RBMS1: variants seen among roughly 807,000 people sequenced by gnomAD.
The protein encoded by RBMS1 is RNA-binding motif, single-stranded-interacting protein 1.
RBMS1 carries 17 observed loss-of-function variants against 62.3 expected under a neutral mutation model. The ratio of observed to expected loss-of-function variants is 0.27; its 90% CI spans 0.19 to 0.41. The LOEUF (loss-of-function observed/expected upper bound fraction) is 0.41, where lower values mean the gene tolerates loss of function less well. RBMS1 is among the 10% of genes least tolerant of loss of function. The pLI, the probability that RBMS1 is intolerant of heterozygous loss-of-function variation, is 1.00. For synonymous variants in RBMS1, 172 were observed against 170.0 expected, an observed-to-expected ratio of 1.01 and a Z score of -0.09; for missense variants, 334 against 504.5, an observed-to-expected ratio of 0.66 and a Z score of 3.24.
chr2:160,375,620 A>C (rs6761644), intron 1 of RBMS1, among the ~76,000 whole-genome samples: 14,994 of 152,232 alleles, frequency 0.098, 1,018 homozygotes, highest in East Asian at 0.26. Flanking sequence ...CTTCTATATA[A>C]AAGGACCCTG....
intron 12 of RBMS1, 151 bp downstream of exon 12, chr2:160,277,152 T>C: frequency 9.2e-6 from 6 of 651,852 alleles, no homozygotes; most frequent in Non-Finnish European, 1.6e-5. Context: ...TTCCAAAGTG[T>C]TGGACTTACA....
chr2:160,439,722 G>A (rs1317222516), intron 1 of RBMS1, among the ~76,000 whole-genome samples: 3 of 152,208 alleles, frequency 2.0e-5, no homozygotes, highest in Non-Finnish European at 4.4e-5. Flanking sequence ...GGTGGAGGTT[G>A]TAGCAAGCCG....
At chr2:160,466,735 T>TA (rs1684711591) in intron 1 of RBMS1, among the ~76,000 whole-genome samples, 1 of 152,092 alleles carries the variant, frequency 6.6e-6, no homozygotes, top group Admixed American at 6.6e-5. Flanking sequence ...TAAAAGGAGA[T>TA]AAAGAAAAAC....
chr2:160,344,275 G>A (rs1692054041), intron 2 of RBMS1, among the ~76,000 whole-genome samples: 3 of 152,112 alleles, frequency 2.0e-5, no homozygotes. Flanking sequence ...CAGCAACTGG[G>A]GGGAACAGCA....
chr2:160,432,753 A>G (rs1331848726), intron 1 of RBMS1, among the ~76,000 whole-genome samples: 2 of 152,172 alleles, frequency 1.3e-5, no homozygotes, highest in East Asian at 3.8e-4. Context: ...ACCTGGTGGC[A>G]ATGTGTCAGA....
At chr2:160,399,331 C>T (rs980845580) in intron 1 of RBMS1, among the ~76,000 whole-genome samples, 1 of 152,116 alleles carries the variant, frequency 6.6e-6, no homozygotes, top group Non-Finnish European at 1.5e-5. Context: ...ATTTTAAGGG[C>T]TTCCTGTATT....
At chr2:160,433,458 T>TTCATGGCTGATTTA in intron 1 of RBMS1, among the ~76,000 whole-genome samples, 1 of 152,244 alleles carries the variant, frequency 6.6e-6, no homozygotes, top group African/African-American at 2.4e-5. Context: ...AAAACAAGTT[T>TTCATGGCTGATTTA]GTTCACAGTT....
chr2:160,458,759 T>C (rs571879120), intron 1 of RBMS1, among the ~76,000 whole-genome samples: 5 of 150,820 alleles, frequency 3.3e-5, no homozygotes, highest in African/African-American at 9.8e-5. Context: ...ATCGTGCCAT[T>C]GCACTCCAGC....
chr2:160,368,735 T>G (rs10172449), intron 1 of RBMS1, among the ~76,000 whole-genome samples: 113,533 of 152,024 alleles, frequency 0.75, 43,179 homozygotes, highest in East Asian at 0.84. Flanking sequence ...CACCTCCCGG[T>G]TTCCAGTGAT....
chr2:160,410,139 G>A (rs987645675), intron 1 of RBMS1, among the ~76,000 whole-genome samples: 1 of 146,362 alleles, frequency 6.8e-6, no homozygotes, highest in African/African-American at 2.5e-5. Flanking sequence ...GGAGAATGGC[G>A]TGAACCCAGG....
intron 1 of RBMS1, among the ~76,000 whole-genome samples, chr2:160,450,563 T>TAAAAAAAAAAAA (rs71006605): frequency 1.5e-4 from 18 of 122,378 alleles, no homozygotes; most frequent in East Asian, 7.0e-4. Context: ...AAATAAAAAA[T>TAAAAAAAAAAAA]GAAAAAAAAA....
At position 160,273,756 on chromosome 2, in the gene RBMS1, T is replaced by C. The variant is rs372970387; in HGVS notation, c.*1016A>G. ...CCAACACTACCTACACTAAATCTAG[T>C]ACATCAAGTTAGCTTTTTTTTTTTC... On this transcript the variant is annotated 3_prime_UTR_variant, in exon 14 of 14. Coordinates refer to ENST00000348849, the MANE Select transcript of RBMS1 (RefSeq NM_016836.4). 10 of 124,776 alleles carry C rather than the reference T, an allele frequency of 8.0e-5. No individual in the cohort carries two copies. Among genetic ancestry groups the C allele is most frequent in the African/African-American group, 3.0e-4 (10 of 33,892 alleles). The allele number at this position is 124,776 out of a possible 1,614,324, so 7.7% of individuals were successfully genotyped here.
intron 2 of RBMS1, among the ~76,000 whole-genome samples, chr2:160,336,367 A>G (rs1691568059): frequency 6.6e-6 from 1 of 152,200 alleles, no homozygotes; most frequent in Admixed American, 6.5e-5. Context: ...GTCATCAGTG[A>G]TACTGTATGG....
chr2:160,309,212 G>A (rs931042892), intron 4 of RBMS1, among the ~76,000 whole-genome samples: 1 of 152,318 alleles, frequency 6.6e-6, no homozygotes, highest in Non-Finnish European at 1.5e-5. Context: ...TTTATGGGGA[G>A]AGAAACGCTG....
At chr2:160,435,290 T>C (rs1056498965) in intron 1 of RBMS1, among the ~76,000 whole-genome samples, 2 of 152,184 alleles carry the variant, frequency 1.3e-5, no homozygotes, top group Non-Finnish European at 2.9e-5. Context: ...TTTTTAATCA[T>C]ACAGTTATTA....
At chr2:160,311,220 C>CTATATATA (rs1488544677) in intron 4 of RBMS1, among the ~76,000 whole-genome samples, 2 of 84,944 alleles carry the variant, frequency 2.4e-5, no homozygotes, top group African/African-American at 3.9e-5. Flanking sequence ...ATCTATCTAT[C>CTATATATA]TATCTATCTA....
chr2:160,285,445 G>A (rs1035781166), intron 7 of RBMS1, among the ~76,000 whole-genome samples: 6 of 152,042 alleles, frequency 3.9e-5, no homozygotes, highest in East Asian at 1.9e-4. Flanking sequence ...AATCTCTCTA[G>A]CATACTAGCT....
Position 160,334,205 on chromosome 2 carries a change from T to C in RBMS1, c.252-15978A>G, listed in dbSNP as rs566376062. On this transcript the variant is annotated intron_variant, in intron 2 of 13. Transcript: ENST00000348849. The stretch of plus-strand genomic sequence containing the variant: ...GATTTTGCAGAAAAGGAGAATAAGA[T>C]GTAGTAATGCATTTTAGGTGCTCAA... 2.3e-3 allele frequency among the ~76,000 whole-genome samples: 356 copies of C among 152,266 alleles called. 1 individual carries two copies. The highest frequency in any genetic ancestry group is 8.2e-3 in the African/African-American group (340 of 41,564).
In RBMS1 at chr2:160,320,445, T is replaced by C. The variant is rs140244128; in HGVS notation, c.252-2218A>G. 8.0e-3 allele frequency among the ~76,000 whole-genome samples: 1,222 copies of C among 152,198 alleles called. 20 individuals carry two copies. The highest frequency in any genetic ancestry group is 0.026 in the African/African-American group (1,095 of 41,512). On this transcript the variant is annotated intron_variant, in intron 2 of 13. Coordinates refer to ENST00000348849, the MANE Select transcript of RBMS1 (RefSeq NM_016836.4). The stretch of plus-strand genomic sequence containing the variant: ...CCATGATCTCGTCACTGCACTCCAG[T>C]CTGGGTGACAGAGTGAGACCATGTC...
Sources: allele counts gnomAD v4.1 joint callset (sites outside exome capture counted in the v4.1 genomes callset), GRCh38; gene constraint gnomAD v4.1.1; transcripts MANE v1.5; gene names NCBI Gene and HGNC (gene_info 2026-07-23, HGNC 2026-07-21).